Variants in RANBP2 observed in about 807,000 individuals in gnomAD.
RANBP2 encodes E3 SUMO-protein ligase RanBP2.
RANBP2 carries 57 observed loss-of-function variants against 303.6 expected under a neutral mutation model. That is an observed-to-expected ratio of 0.19 (90% confidence interval 0.15 to 0.23). The LOEUF (loss-of-function observed/expected upper bound fraction) is 0.23, where lower values mean the gene tolerates loss of function less well. Among genes scored for constraint, RANBP2 ranks in the 10% least tolerant of loss-of-function variants. RANBP2 has a pLI of 1.00. For synonymous variants in RANBP2, 1,167 were observed against 1,301.5 expected (o/e 0.90, Z 2.23); for missense variants, 3,138 against 3,780.8 (o/e 0.83, Z 4.46).
the RANBP2 span, chr2:109,129,054 C>CAGG: frequency 2.5e-6 from 1 of 393,696 alleles, no homozygotes; most frequent in African/African-American, 2.2e-5. Context: ...GCGAGCAGGC[C>CAGG]AGGGGCGCAT....
chr2:109,063,753 G>A, the RANBP2 span, among the ~76,000 whole-genome samples: 1 of 151,980 alleles, frequency 6.6e-6, no homozygotes, highest in Non-Finnish European at 1.5e-5. Flanking sequence ...TCTAGTTAGT[G>A]GCTTGAGTTA....
the RANBP2 span, among the ~76,000 whole-genome samples, chr2:109,164,958 A>T: frequency 3.3e-5 from 5 of 152,176 alleles, no homozygotes; most frequent in Non-Finnish European, 5.9e-5. Flanking sequence ...GGAGGTCGTA[A>T]TTGTTTTTCT....
the RANBP2 span, among the ~76,000 whole-genome samples, chr2:109,621,709 C>T: frequency 6.6e-6 from 1 of 151,796 alleles, no homozygotes; most frequent in Non-Finnish European, 1.5e-5. Flanking sequence ...GTTAGGAGTT[C>T]GAGACCAGCC....
the RANBP2 span, among the ~76,000 whole-genome samples, chr2:109,573,186 G>C: frequency 1.3e-5 from 2 of 152,024 alleles, no homozygotes; most frequent in Non-Finnish European, 2.9e-5. Context: ...ATTTAAAAGT[G>C]GAGGACACTG....
the RANBP2 span, among the ~76,000 whole-genome samples, chr2:109,097,261 G>A: frequency 1.1e-4 from 17 of 151,960 alleles, no homozygotes; most frequent in Non-Finnish European, 2.2e-4. Flanking sequence ...GTGAGATCGC[G>A]CCACTGCACT....
At chr2:109,078,582 T>A in the RANBP2 span, among the ~76,000 whole-genome samples, 4 of 149,330 alleles carry the variant, frequency 2.7e-5, no homozygotes, top group Non-Finnish European at 4.5e-5. Context: ...GGTGGATAAG[T>A]TCTAGGGGTC....
chr2:109,182,881 T>C, the RANBP2 span, among the ~76,000 whole-genome samples: 2 of 152,226 alleles, frequency 1.3e-5, no homozygotes, highest in Admixed American at 1.3e-4. Flanking sequence ...CCATATAAAA[T>C]TATACTGTTT....
chr2:109,694,722 A>C, the RANBP2 span, among the ~76,000 whole-genome samples: 2 of 151,860 alleles, frequency 1.3e-5, no homozygotes, highest in African/African-American at 4.8e-5. Flanking sequence ...GGCATTCAAA[A>C]AGTTTTGGAT....
At chr2:108,773,285 T>C (rs939530608) in intron 23 of RANBP2, among the ~76,000 whole-genome samples, 8 of 151,900 alleles carry the variant, frequency 5.3e-5, no homozygotes, top group African/African-American at 1.9e-4. Context: ...GCCTGGCTAA[T>C]TTTTGTATTT....
chr2:108,916,896 A>T, the RANBP2 span, among the ~76,000 whole-genome samples: 1 of 152,192 alleles, frequency 6.6e-6, no homozygotes, highest in Non-Finnish European at 1.5e-5. Context: ...GGTCAGGAGA[A>T]TCACAGTCAC....
At chr2:109,038,072 T>C in the RANBP2 span, among the ~76,000 whole-genome samples, 1 of 152,266 alleles carries the variant, frequency 6.6e-6, no homozygotes, top group South Asian at 2.1e-4. Flanking sequence ...GAGTGTGGTA[T>C]GGGCAGAGAG....
the RANBP2 span, among the ~76,000 whole-genome samples, chr2:109,554,529 A>G: frequency 1.3e-5 from 2 of 152,106 alleles, no homozygotes; most frequent in African/African-American, 2.4e-5. Context: ...ACCCCCACCC[A>G]ACTCAGACTG....
At chr2:109,584,321 C>A in the RANBP2 span, among the ~76,000 whole-genome samples, 1 of 150,844 alleles carries the variant, frequency 6.6e-6, no homozygotes, top group Non-Finnish European at 1.5e-5. Flanking sequence ...ACTAAAAACA[C>A]AAAAAAAATT....
the RANBP2 span, among the ~76,000 whole-genome samples, chr2:109,420,925 T>A: frequency 6.6e-6 from 1 of 152,224 alleles, no homozygotes; most frequent in Non-Finnish European, 1.5e-5. Context: ...AATTAACCAA[T>A]GTAATGAAAG....
At chr2:109,002,559 C>T in the RANBP2 span, among the ~76,000 whole-genome samples, 6 of 151,546 alleles carry the variant, frequency 4.0e-5, no homozygotes, top group Admixed American at 6.6e-5. Context: ...AATTACCACA[C>T]CTCAGTGCAC....
At chr2:109,579,003 T>C in the RANBP2 span, among the ~76,000 whole-genome samples, 1 of 152,158 alleles carries the variant, frequency 6.6e-6, no homozygotes, top group African/African-American at 2.4e-5. Flanking sequence ...ATTTGGTATT[T>C]GAAAAGATTA....
At chr2:108,923,259 G>A in the RANBP2 span, 1 of 1,080,450 alleles carries the variant, frequency 9.3e-7, no homozygotes, top group South Asian at 1.3e-5. Context: ...TGCTGTTACT[G>A]TGATTCACCT....
At chr2:109,533,024 A>G in the RANBP2 span, among the ~76,000 whole-genome samples, 2 of 152,002 alleles carry the variant, frequency 1.3e-5, no homozygotes, top group Non-Finnish European at 2.9e-5. Flanking sequence ...CTTGGGGCTC[A>G]CACTCTAGAG....
downstream of RANBP2, chr2:108,788,784 T>C (rs540287030): frequency 1.1e-5 from 17 of 1,594,262 alleles, no homozygotes; most frequent in East Asian, 6.7e-5. Context: ...TTTAGACTTA[T>C]GGCCAGTGCC....
Sources: gnomAD v4.1 joint callset for allele counts (sites outside exome capture counted in the v4.1 genomes callset) on GRCh38, gnomAD v4.1.1 for gene constraint, MANE v1.5 for transcripts, NCBI Gene and HGNC (gene_info 2026-07-23, HGNC 2026-07-21) for gene names.